Variants in FAR2 observed in about 807,000 individuals in gnomAD.
The protein encoded by FAR2 is epididymis secretory protein Li 81.
A neutral mutation model predicts 56.0 loss-of-function variants in FAR2; 19 were observed. The ratio of observed to expected loss-of-function variants is 0.34; its 90% CI spans 0.24 to 0.50. FAR2 has a LOEUF of 0.50. FAR2 is among the 20% of genes least tolerant of loss of function. The pLI is 0.98. For synonymous variants in FAR2, 219 were observed against 218.8 expected, an observed-to-expected ratio of 1.00 and a Z score of -0.01; for missense variants, 508 against 642.2, an observed-to-expected ratio of 0.79 and a Z score of 2.26.
intron 1 of FAR2, among the ~76,000 whole-genome samples, chr12:29,216,204 G>C (rs1947619760): frequency 6.6e-6 from 1 of 152,056 alleles, no homozygotes; most frequent in African/African-American, 2.4e-5. Flanking sequence ...CTACCTCCAG[G>C]CTCCTCCATG....
intron 1 of FAR2, among the ~76,000 whole-genome samples, chr12:29,203,098 G>T (rs368457538): frequency 7.2e-5 from 11 of 152,294 alleles, no homozygotes; most frequent in African/African-American, 2.6e-4. Flanking sequence ...GACATTAGAA[G>T]TGGTTTTATA....
chr12:29,324,118 C>T (rs1309367203), intron 10 of FAR2, among the ~76,000 whole-genome samples: 2 of 152,078 alleles, frequency 1.3e-5, no homozygotes, highest in East Asian at 1.9e-4. Flanking sequence ...CCTCAGTAAC[C>T]GATGCGATCA....
In FAR2 at chr12:29,205,014, C is replaced by T. The variant is rs77545023; in HGVS notation, c.-39+55607C>T. On this transcript the variant is annotated intron_variant, in intron 1 of 11. Transcript: ENST00000536681. ...ATCAAGCTCTATACCTGCTCAGCTGCCATGTGCTCTTACAAGATCTTTTTC... is the reference window on the plus strand; with the variant it reads ...ATCAAGCTCTATACCTGCTCAGCTGTCATGTGCTCTTACAAGATCTTTTTC... 5.1e-3 allele frequency among the ~76,000 whole-genome samples: 777 copies of T among 152,262 alleles called. 13 individuals carry two copies. Among genetic ancestry groups the T allele is most frequent in the African/African-American group, 0.018 (728 of 41,554 alleles).
At chr12:29,330,150 G>A (rs867992028) in intron 10 of FAR2, among the ~76,000 whole-genome samples, 1 of 146,786 alleles carries the variant, frequency 6.8e-6, no homozygotes, top group African/African-American at 2.6e-5. Context: ...TCCGCCTCCC[G>A]GGTTCAAGCG....
intron 1 of FAR2, among the ~76,000 whole-genome samples, chr12:29,203,818 T>C (rs990720151): frequency 6.6e-6 from 1 of 151,482 alleles, no homozygotes; most frequent in African/African-American, 2.4e-5. Context: ...GCTAACACAG[T>C]GAAACCCCGT....
chr12:29,331,124 T>C (rs772280142), intron 10 of FAR2, among the ~76,000 whole-genome samples: 1 of 152,050 alleles, frequency 6.6e-6, no homozygotes, highest in African/African-American at 2.4e-5. Context: ...AAGTCCTTCC[T>C]AGTGAGGCCT....
At chr12:29,303,952 G>T (rs1949216480) in intron 4 of FAR2, among the ~76,000 whole-genome samples, 1 of 152,156 alleles carries the variant, frequency 6.6e-6, no homozygotes, top group South Asian at 2.1e-4. Flanking sequence ...TTTGAGCCTG[G>T]CTAGGTGCTC....
At chr12:29,173,057 G>A (rs942484755) in intron 1 of FAR2, among the ~76,000 whole-genome samples, 2 of 152,326 alleles carry the variant, frequency 1.3e-5, no homozygotes, top group South Asian at 4.1e-4. Flanking sequence ...TAAAGGCCAG[G>A]TTTTGATCTA....
At chr12:29,266,165 C>T (rs1338635116) in intron 1 of FAR2, among the ~76,000 whole-genome samples, 1 of 151,962 alleles carries the variant, frequency 6.6e-6, no homozygotes, top group Admixed American at 6.6e-5. Flanking sequence ...AGGTATATAC[C>T]CCGATGAAAG....
At chr12:29,291,355 C>T (rs1431416468) in intron 2 of FAR2, 2 of 455,810 alleles carry the variant, frequency 4.4e-6, no homozygotes, top group Non-Finnish European at 8.8e-6. Context: ...GAGCCAGGGT[C>T]TCTGAGGGTG....
At chr12:29,242,689 T>C (rs1948056919) in intron 1 of FAR2, among the ~76,000 whole-genome samples, 1 of 152,210 alleles carries the variant, frequency 6.6e-6, no homozygotes, top group Non-Finnish European at 1.5e-5. Context: ...AGGCCGATAT[T>C]AGAGTCACTT....
intron 1 of FAR2, among the ~76,000 whole-genome samples, chr12:29,215,803 A>G (rs1235961661): frequency 6.6e-6 from 1 of 152,228 alleles, no homozygotes; most frequent in Non-Finnish European, 1.5e-5. Context: ...AATAGTCATT[A>G]AATGGAATGA....
At chr12:29,195,171 C>T (rs573128177) in intron 1 of FAR2, among the ~76,000 whole-genome samples, 3 of 152,282 alleles carry the variant, frequency 2.0e-5, no homozygotes, top group East Asian at 1.9e-4. Flanking sequence ...CATTTTCTGA[C>T]GCAGTCCTTC....
intron 1 of FAR2, among the ~76,000 whole-genome samples, chr12:29,216,678 C>G (rs1048920575): frequency 1.3e-5 from 2 of 152,160 alleles, no homozygotes; most frequent in African/African-American, 4.8e-5. Context: ...CTGCTGTTAG[C>G]CTTTTCAGGG....
chr12:29,301,678 G>T (rs1322052960), intron 4 of FAR2: 1 of 152,128 alleles, frequency 6.6e-6, no homozygotes, highest in African/African-American at 2.4e-5. Context: ...AAATAAATCT[G>T]AATTAAGAAG....
chr12:29,273,436 G>A (rs1948652550), intron 2 of FAR2, among the ~76,000 whole-genome samples: 1 of 152,150 alleles, frequency 6.6e-6, no homozygotes, highest in Admixed American at 6.5e-5. Flanking sequence ...GACTGCCACA[G>A]TGTGTGTGTG....
intron 1 of FAR2, among the ~76,000 whole-genome samples, chr12:29,177,934 A>C (rs1949953954): frequency 6.6e-6 from 1 of 152,174 alleles, no homozygotes; most frequent in South Asian, 2.1e-4. Context: ...AATCATGCAA[A>C]AAGAAGTAAG....
At chr12:29,329,350 G>C (rs2136827022) in intron 10 of FAR2, among the ~76,000 whole-genome samples, 1 of 152,200 alleles carries the variant, frequency 6.6e-6, no homozygotes, top group East Asian at 1.9e-4. Context: ...AATGAGCTTG[G>C]TTTCATTTCT....
chr12:29,269,645 A>G (rs569396263), intron 1 of FAR2, among the ~76,000 whole-genome samples: 8 of 152,226 alleles, frequency 5.3e-5, no homozygotes, highest in Non-Finnish European at 8.8e-5. Flanking sequence ...CAGGCATAAT[A>G]AATTATAAAA....
Sources: allele counts gnomAD v4.1 joint callset (sites outside exome capture counted in the v4.1 genomes callset), GRCh38; gene constraint gnomAD v4.1.1; transcripts MANE v1.5; gene names NCBI Gene and HGNC (gene_info 2026-07-23, HGNC 2026-07-21).